EXOC4: variants seen among roughly 807,000 people sequenced by gnomAD.
EXOC4 encodes the protein SEC8-like 1.
EXOC4 carries 71 observed loss-of-function variants against 107.2 expected under a neutral mutation model. The ratio of observed to expected loss-of-function variants is 0.66; its 90% CI spans 0.55 to 0.81. The LOEUF (loss-of-function observed/expected upper bound fraction) is 0.81, where lower values mean the gene tolerates loss of function less well. Among genes scored for constraint, EXOC4 ranks in the 30% least tolerant of loss-of-function variants. EXOC4 has a pLI of 0.00. For missense variants in EXOC4, 1,108 were observed against 1,189.6 expected (o/e 0.93, Z 1.01); for synonymous variants, 456 against 441.2 (o/e 1.03, Z -0.42).
intron 9 of EXOC4, among the ~76,000 whole-genome samples, chr7:133,604,687 T>C (rs1043982242): frequency 4.0e-5 from 6 of 148,232 alleles, no homozygotes; most frequent in Admixed American, 6.7e-5. Context: ...TTTCTTTTTC[T>C]TTCCTTCCTT....
intron 14 of EXOC4, among the ~76,000 whole-genome samples, chr7:133,989,342 A>G (rs1357118975): frequency 6.6e-6 from 1 of 152,190 alleles, no homozygotes; most frequent in Non-Finnish European, 1.5e-5. Flanking sequence ...CTTGCAAATC[A>G]TTAATCAAAT....
At chr7:133,416,608 A>T (rs1313691694) in intron 7 of EXOC4, among the ~76,000 whole-genome samples, 1 of 152,196 alleles carries the variant, frequency 6.6e-6, no homozygotes, top group East Asian at 1.9e-4. Context: ...GGAAGATGAG[A>T]CAATGTGTAC....
intron 12 of EXOC4, among the ~76,000 whole-genome samples, chr7:133,912,816 G>A (rs1006239287): frequency 3.2e-4 from 48 of 152,166 alleles, no homozygotes; most frequent in East Asian, 1.9e-4. Flanking sequence ...TGTGGCCCTT[G>A]AGTGCACATT....
intron 9 of EXOC4, among the ~76,000 whole-genome samples, chr7:133,589,412 C>A (rs1645153957): frequency 6.6e-6 from 1 of 152,206 alleles, no homozygotes; most frequent in African/African-American, 2.4e-5. Flanking sequence ...TGAACCCCTT[C>A]CACCTCTTGG....
At chr7:133,320,496 G>A (rs142872766) in intron 5 of EXOC4, among the ~76,000 whole-genome samples, 5 of 151,874 alleles carry the variant, frequency 3.3e-5, no homozygotes, top group Non-Finnish European at 5.9e-5. Context: ...TTAAGGACTC[G>A]TGATTAGATT....
intron 15 of EXOC4, among the ~76,000 whole-genome samples, chr7:133,998,583 G>A (rs191490135): frequency 1.1e-4 from 16 of 152,212 alleles, no homozygotes; most frequent in African/African-American, 3.6e-4. Flanking sequence ...AAGCTGGGTG[G>A]GGAGGACTGA....
intron 12 of EXOC4, among the ~76,000 whole-genome samples, chr7:133,896,201 AT>A (rs1799302977): frequency 6.6e-6 from 1 of 152,192 alleles, no homozygotes; most frequent in Non-Finnish European, 1.5e-5. Context: ...TGTTTTCAGC[AT>A]CAGTAGCAAT....
intron 7 of EXOC4, among the ~76,000 whole-genome samples, chr7:133,471,763 TGCATGGCCCTATGGTGGAAG>T: frequency 6.6e-6 from 1 of 152,200 alleles, no homozygotes; most frequent in African/African-American, 2.4e-5. Context: ...GCTGGTCTGT[TGCATGGCCCTATGGTGGAAG>T]TAAAGAAATG....
At chr7:133,429,265 A>C (rs1241730017) in intron 7 of EXOC4, among the ~76,000 whole-genome samples, 1 of 152,182 alleles carries the variant, frequency 6.6e-6, no homozygotes, top group Non-Finnish European at 1.5e-5. Flanking sequence ...ATAAGGAACC[A>C]AGTATAAGAC....
intron 11 of EXOC4, among the ~76,000 whole-genome samples, chr7:133,845,326 C>A (rs1350204373): frequency 7.3e-6 from 1 of 136,778 alleles, no homozygotes; most frequent in South Asian, 2.2e-4. Context: ...GCATGATAGG[C>A]AGGTTAGTAG....
intron 9 of EXOC4, among the ~76,000 whole-genome samples, chr7:133,611,371 A>G (rs541777988): frequency 6.6e-6 from 1 of 152,290 alleles, no homozygotes; most frequent in East Asian, 1.9e-4. Context: ...GCTAGACTTT[A>G]TATCAGGGTA....
chr7:133,601,450 T>C (rs1266372702), intron 9 of EXOC4, among the ~76,000 whole-genome samples: 3 of 152,194 alleles, frequency 2.0e-5, no homozygotes, highest in Non-Finnish European at 4.4e-5. Context: ...TCAATTCTAA[T>C]AGGCCATAAA....
intron 14 of EXOC4, among the ~76,000 whole-genome samples, chr7:133,979,219 G>A (rs1466511649): frequency 6.6e-6 from 1 of 152,044 alleles, no homozygotes; most frequent in African/African-American, 2.4e-5. Flanking sequence ...TCTATCATTT[G>A]AGGTCAAAAC....
chr7:133,616,125 A>C (rs73446946), intron 9 of EXOC4, among the ~76,000 whole-genome samples: 6 of 152,278 alleles, frequency 3.9e-5, no homozygotes, highest in African/African-American at 1.4e-4. Flanking sequence ...TCTACCAAAC[A>C]ATGGTAACTT....
intron 5 of EXOC4, among the ~76,000 whole-genome samples, chr7:133,352,455 A>AT (rs1157983890): frequency 5.9e-5 from 9 of 151,460 alleles, no homozygotes; most frequent in African/African-American, 1.9e-4. Flanking sequence ...TTTAAAGTCT[A>AT]TTTTTTCTGC....
In EXOC4 at chr7:133,657,471, T is replaced by C. The variant is rs543840082; in HGVS notation, c.1514+27330T>C. ...GGGTCATTATACTTTTAGTATAAACTGTAATTCTAAGCAGAAATGATCTTC... is the reference window on the plus strand; with the variant it reads ...GGGTCATTATACTTTTAGTATAAACCGTAATTCTAAGCAGAAATGATCTTC... On this transcript the variant is annotated intron_variant, in intron 10 of 17. Transcript: ENST00000253861. Among the ~76,000 whole-genome samples the C allele has an allele frequency of 1.4e-4, 22 of 152,312 alleles. No individual in the cohort carries two copies. The South Asian group carries it at 4.6e-3, about 32-fold the overall frequency.
At chr7:133,565,054 A>C (rs189673247) in intron 9 of EXOC4, among the ~76,000 whole-genome samples, 2 of 152,246 alleles carry the variant, frequency 1.3e-5, no homozygotes, top group East Asian at 3.9e-4. Flanking sequence ...TTTTAGTTAG[A>C]GTTAGAATTA....
chr7:133,289,446 A>G (rs1448145322), intron 3 of EXOC4, among the ~76,000 whole-genome samples: 1 of 152,260 alleles, frequency 6.6e-6, no homozygotes, highest in Non-Finnish European at 1.5e-5. Context: ...AATGAAATCT[A>G]CATGAGACAG....
intron 9 of EXOC4, among the ~76,000 whole-genome samples, chr7:133,610,397 A>G (rs1394114471): frequency 6.6e-6 from 1 of 152,324 alleles, no homozygotes; most frequent in South Asian, 2.1e-4. Context: ...CTCATAAGAA[A>G]GTCATTACTT....
Sources: gnomAD v4.1 joint callset for allele counts (sites outside exome capture counted in the v4.1 genomes callset) on GRCh38, gnomAD v4.1.1 for gene constraint, MANE v1.5 for transcripts, NCBI Gene and HGNC (gene_info 2026-07-23, HGNC 2026-07-21) for gene names.